Variants in ADAM32 observed in about 807,000 individuals in gnomAD.
ADAM32 encodes the protein disintegrin and metalloproteinase domain-containing protein 32.
In ADAM32, 89 loss-of-function variants were observed where a neutral mutation model predicts 114.9. The ratio of observed to expected loss-of-function variants is 0.77; its 90% CI spans 0.65 to 0.92. The LOEUF (loss-of-function observed/expected upper bound fraction) is 0.92, where lower values mean the gene tolerates loss of function less well. Ranked by LOEUF, ADAM32 falls within the 40% of genes least tolerant of loss-of-function variation. The probability of loss-of-function intolerance (pLI) is 0.00; values close to 1 mark genes in which losing one functional copy is unlikely to be tolerated. For synonymous variants in ADAM32, 285 were observed against 307.5 expected, an observed-to-expected ratio of 0.93 and a Z score of 0.77; for missense variants, 870 against 932.8, an observed-to-expected ratio of 0.93 and a Z score of 0.88.
intron 3 of ADAM32, among the ~76,000 whole-genome samples, chr8:39,137,790 T>C (rs1023201732): frequency 3.4e-5 from 5 of 145,570 alleles, no homozygotes; most frequent in Non-Finnish European, 6.0e-5. Context: ...AAAAAAGGTG[T>C]AAACAAGTGG....
chr8:39,129,863 T>C (rs1373820500), intron 2 of ADAM32: 1 of 395,588 alleles, frequency 2.5e-6, no homozygotes, highest in South Asian at 1.9e-5. Flanking sequence ...ATTTGGATTT[T>C]ATTCAGTTTT....
chr8:39,257,089 T>C (rs1811693016), intron 18 of ADAM32, 98 bp from the exon 19 acceptor site: 1 of 1,189,312 alleles, frequency 8.4e-7, no homozygotes, highest in Non-Finnish European at 1.1e-6. Context: ...TGAATAACAA[T>C]ACAAATTCAG....
chr8:39,249,980 C>T (rs1811182645), intron 17 of ADAM32, among the ~76,000 whole-genome samples: 1 of 152,062 alleles, frequency 6.6e-6, no homozygotes, highest in Admixed American at 6.5e-5. Context: ...ATGGTATTTT[C>T]TCCCTCTGGC....
intron 16 of ADAM32, among the ~76,000 whole-genome samples, chr8:39,245,418 A>T (rs1040021558): frequency 3.3e-5 from 5 of 152,212 alleles, no homozygotes; most frequent in African/African-American, 9.6e-5. Context: ...TTATTCGTGT[A>T]ACCAAACACC....
At position 39,149,750 on chromosome 8, in the gene ADAM32, G is replaced by T. The variant is rs773862669; in HGVS notation, c.277-41G>T. The T allele has an allele frequency of 3.5e-6, 5 of 1,426,180 alleles. No homozygotes were observed. In the South Asian group the frequency reaches 3.6e-5, roughly 10 times the overall value. The allele number at this position is 1,426,180 out of a possible 1,614,324, so 88.3% of individuals were successfully genotyped here. On this transcript the variant is annotated intron_variant, in intron 4 of 24. Coordinates refer to ENST00000379907, the MANE Select transcript of ADAM32 (RefSeq NM_145004.7). The stretch of plus-strand genomic sequence containing the variant: ...AAGTAGGAAATCACTAGAAAGTTTT[G>T]TTACTTCCTAAGTGACTACTTTACT...
chr8:39,274,886 C>T (rs987239433), intron 21 of ADAM32, among the ~76,000 whole-genome samples: 2 of 152,142 alleles, frequency 1.3e-5, no homozygotes, highest in African/African-American at 4.8e-5. Context: ...ATGTTTTACC[C>T]TCCTGTGTGA....
chr8:39,111,195 A>G (rs908736253), intron 1 of ADAM32, among the ~76,000 whole-genome samples: 4 of 152,194 alleles, frequency 2.6e-5, no homozygotes, highest in Admixed American at 1.3e-4. Context: ...TAATGCTGCT[A>G]GGAACCTTCA....
At chr8:39,258,435 G>C (rs996219754) in intron 19 of ADAM32, among the ~76,000 whole-genome samples, 3 of 151,822 alleles carry the variant, frequency 2.0e-5, no homozygotes, top group Non-Finnish European at 4.4e-5. Flanking sequence ...GTTTTTAAAT[G>C]ATAGTCGACA....
chr8:39,177,561 G>A (rs1354167692), intron 10 of ADAM32, among the ~76,000 whole-genome samples: 3 of 152,160 alleles, frequency 2.0e-5, no homozygotes, highest in African/African-American at 7.2e-5. Flanking sequence ...CATGATTCTA[G>A]CTGGTTATTT....
chr8:39,168,415 T>C (rs557203827), intron 9 of ADAM32: 1 of 152,316 alleles, frequency 6.6e-6, no homozygotes, highest in South Asian at 2.1e-4. Context: ...AGGGAGTGAC[T>C]GCCCTCAGCA....
intron 6 of ADAM32, among the ~76,000 whole-genome samples, chr8:39,158,990 A>G (rs1804329287): frequency 6.6e-6 from 1 of 152,056 alleles, no homozygotes; most frequent in South Asian, 2.1e-4. Context: ...CAATTAATTT[A>G]CATTATTTGT....
chr8:39,122,003 G>A (rs769132251), intron 2 of ADAM32, among the ~76,000 whole-genome samples: 4 of 152,122 alleles, frequency 2.6e-5, no homozygotes, highest in Non-Finnish European at 5.9e-5. Flanking sequence ...TGTTGGCATG[G>A]GAATAGCTAT....
intron 12 of ADAM32, among the ~76,000 whole-genome samples, chr8:39,217,709 T>A (rs888831030): frequency 2.6e-5 from 4 of 152,222 alleles, no homozygotes; most frequent in Non-Finnish European, 5.9e-5. Flanking sequence ...TCTGCTTGAT[T>A]TTTTAAATAA....
At chr8:39,269,319 G>T (rs559021667) in intron 19 of ADAM32, among the ~76,000 whole-genome samples, 1 of 152,128 alleles carries the variant, frequency 6.6e-6, no homozygotes, top group African/African-American at 2.4e-5. Flanking sequence ...CTCAAAGTTC[G>T]CTGTACTGCA....
intron 19 of ADAM32, among the ~76,000 whole-genome samples, chr8:39,258,611 G>A (rs1365013256): frequency 6.6e-6 from 1 of 152,024 alleles, no homozygotes; most frequent in Non-Finnish European, 1.5e-5. Context: ...TCTCTTAAAT[G>A]TTGGAACAAA....
Position 39,223,160 on chromosome 8 carries a change from T to A in ADAM32, c.1447T>A (p.Cys483Ser). The A allele has an allele frequency of 6.2e-7, 1 of 1,600,856 alleles. No homozygotes were observed. Among genetic ancestry groups the A allele is most frequent in the Non-Finnish European group, 8.5e-7 (1 of 1,173,922 alleles). ...PDITLINGLS[C>S]KNNKFICYDG... is the part of the protein sequence containing the mutation. ...CATAACTTTAATCAATGGACTTTCA[T>A]GCAAAAATAATAAGTTTATTTGTTA... The change falls in exon 14 of 25, where the codon TGC (cysteine) becomes AGC (serine). Residue 483 changes from cysteine (C) to serine (S), a missense_variant. Transcript: ENST00000379907.
intron 6 of ADAM32, chr8:39,158,460 G>C (rs1585421244): frequency 8.7e-6 from 2 of 229,706 alleles, no homozygotes; most frequent in African/African-American, 2.4e-5. Context: ...ACCATGGGCA[G>C]TGTCTCCACA....
intron 1 of ADAM32, among the ~76,000 whole-genome samples, chr8:39,111,680 C>T (rs934470597): frequency 6.8e-6 from 1 of 147,930 alleles, no homozygotes; most frequent in African/African-American, 2.5e-5. Context: ...AATATCGCAC[C>T]TCTGCACTCC....
At chr8:39,163,846 A>G (rs1804663641) in intron 7 of ADAM32, among the ~76,000 whole-genome samples, 1 of 152,216 alleles carries the variant, frequency 6.6e-6, no homozygotes, top group Admixed American at 6.5e-5. Context: ...AGTTTTGGAT[A>G]TGAGTTTACT....
Sources: gnomAD v4.1 joint callset for allele counts (sites outside exome capture counted in the v4.1 genomes callset) on GRCh38, gnomAD v4.1.1 for gene constraint, MANE v1.5 for transcripts, NCBI Gene and HGNC (gene_info 2026-07-23, HGNC 2026-07-21) for gene names.